The following HEATR5A variants were observed in gnomAD, a reference collection of about 807,000 sequenced individuals.
The protein encoded by HEATR5A is HEAT repeat-containing protein 5A.
A neutral mutation model predicts 218.8 loss-of-function variants in HEATR5A; 178 were observed. The ratio of observed to expected loss-of-function variants is 0.81; its 90% CI spans 0.72 to 0.92. The LOEUF (loss-of-function observed/expected upper bound fraction) is 0.92. Ranked by LOEUF, HEATR5A falls within the 40% of genes least tolerant of loss-of-function variation. The pLI is 0.00. For missense variants in HEATR5A, 2,420 were observed against 2,418.9 expected (o/e 1.00, Z -0.01); for synonymous variants, 864 against 871.6 (o/e 0.99, Z 0.15).
intron 14 of HEATR5A, among the ~76,000 whole-genome samples, chr14:31,359,378 G>C (rs1036358545): frequency 1.3e-5 from 2 of 150,712 alleles, no homozygotes; most frequent in Non-Finnish European, 3.0e-5. Flanking sequence ...TGTAAAAAAA[G>C]ATTTACAAAA....
intron 11 of HEATR5A, among the ~76,000 whole-genome samples, chr14:31,375,994 G>C (rs538908374): frequency 6.6e-6 from 1 of 152,140 alleles, no homozygotes; most frequent in South Asian, 2.1e-4. Context: ...CCCACATTCT[G>C]CTGACTGTAT....
chr14:31,298,883 C>T (rs916790629), intron 33 of HEATR5A, among the ~76,000 whole-genome samples: 2 of 152,120 alleles, frequency 1.3e-5, no homozygotes, highest in Admixed American at 6.6e-5. Context: ...GAAGAGAAGC[C>T]TATACTTGAT....
rs758434399 is a variant in HEATR5A, at chr14:31,315,878, A to C, written c.4110T>G (p.Leu1370=). 4.4e-6 allele frequency: 7 copies of C among 1,602,318 alleles called. No individual in the cohort carries two copies. Among genetic ancestry groups the C allele is most frequent in the Non-Finnish European group, 5.1e-6 (6 of 1,173,980 alleles). The change falls in exon 27 of 36, where the codon CTT becomes CTG. Residue 1370 remains leucine, a synonymous_variant. Coordinates refer to ENST00000543095, the MANE Select transcript of HEATR5A (RefSeq NM_015473.4). The stretch of plus-strand genomic sequence containing the variant: ...CCTGTATTTTAGTTAACGATGAAAC[A>C]AGCAACTGATGAACTCTTCGGAGAT... ...LNDLRRVHQL[L]VSSLTKIQAG...
At chr14:31,367,830 G>A (rs903446759) in intron 13 of HEATR5A, among the ~76,000 whole-genome samples, 3 of 151,876 alleles carry the variant, frequency 2.0e-5, no homozygotes, top group African/African-American at 4.8e-5. Flanking sequence ...TAAAGATAAC[G>A]TGTTGGCATA....
chr14:31,378,742 C>T (rs1465205762), intron 11 of HEATR5A, among the ~76,000 whole-genome samples: 4 of 143,478 alleles, frequency 2.8e-5, no homozygotes, highest in African/African-American at 7.7e-5. Flanking sequence ...GAGCCGAGAT[C>T]GCGCCACTGC....
chr14:31,321,147 A>C (rs1310611268), intron 25 of HEATR5A, among the ~76,000 whole-genome samples: 2 of 142,154 alleles, frequency 1.4e-5, no homozygotes, highest in Admixed American at 7.1e-5. Context: ...TAACTTTCCC[A>C]TCCTCAGACA....
At chr14:31,320,329 A>G (rs976798251) in intron 25 of HEATR5A, 1 of 798,780 alleles carries the variant, frequency 1.3e-6, no homozygotes, top group Non-Finnish European at 2.2e-6. Flanking sequence ...GCTGCTTGAG[A>G]GACAGCTTCC....
At chr14:31,336,795 C>G (rs1256516624) in intron 22 of HEATR5A, among the ~76,000 whole-genome samples, 4 of 152,126 alleles carry the variant, frequency 2.6e-5, no homozygotes, top group South Asian at 4.1e-4. Flanking sequence ...ATCAGTGGCT[C>G]TCAAACTTTA....
At chr14:31,365,459 C>T (rs1901767158) in intron 13 of HEATR5A, among the ~76,000 whole-genome samples, 1 of 151,960 alleles carries the variant, frequency 6.6e-6, no homozygotes, top group Non-Finnish European at 1.5e-5. Context: ...CTCCTGGGTT[C>T]AAGTCATTTT....
chr14:31,359,775 G>C (rs1595135727), intron 14 of HEATR5A, among the ~76,000 whole-genome samples: 1 of 129,680 alleles, frequency 7.7e-6, no homozygotes, highest in Admixed American at 7.8e-5. Context: ...AGAAAACTTA[G>C]ACATGTTATT....
At chr14:31,411,165 CAG>C (rs2031258590) in intron 1 of HEATR5A, among the ~76,000 whole-genome samples, 1 of 152,010 alleles carries the variant, frequency 6.6e-6, no homozygotes, top group African/African-American at 2.4e-5. Context: ...TATTATTTAT[CAG>C]AGGTTACAAA....
chr14:31,302,794 ATGAAT>A (rs1269156928), intron 32 of HEATR5A: 1 of 363,958 alleles, frequency 2.7e-6, no homozygotes, highest in African/African-American at 2.1e-5. Flanking sequence ...CAGTCGATAA[ATGAAT>A]TTATTTTTAT....
intron 1 of HEATR5A, among the ~76,000 whole-genome samples, chr14:31,407,787 C>A (rs2031134734): frequency 6.6e-6 from 1 of 152,090 alleles, no homozygotes; most frequent in South Asian, 2.1e-4. Flanking sequence ...CACCACCACA[C>A]CTGGCTAATT....
chr14:31,403,503 G>A (rs770398436), intron 1 of HEATR5A, among the ~76,000 whole-genome samples: 33 of 152,156 alleles, frequency 2.2e-4, no homozygotes, highest in Non-Finnish European at 4.4e-5. Flanking sequence ...TACATGCCCT[G>A]TCATTTACCT....
chr14:31,343,018 C>G (rs949228904), intron 21 of HEATR5A, among the ~76,000 whole-genome samples: 4 of 151,926 alleles, frequency 2.6e-5, no homozygotes, highest in Non-Finnish European at 5.9e-5. Context: ...AGCCATGGTG[C>G]CAATTTATAA....
intron 19 of HEATR5A, among the ~76,000 whole-genome samples, chr14:31,345,871 A>G (rs1394910605): frequency 6.6e-6 from 1 of 151,980 alleles, no homozygotes; most frequent in African/African-American, 2.4e-5. Flanking sequence ...GTTTGTACAT[A>G]GATATGTGCA....
chr14:31,347,578 C>A (rs1328394039), intron 19 of HEATR5A, among the ~76,000 whole-genome samples, 170 bp downstream of exon 19: 1 of 152,200 alleles, frequency 6.6e-6, no homozygotes, highest in Admixed American at 6.5e-5. Flanking sequence ...ACTTCAGACT[C>A]TGAGTGTGGG....
At chr14:31,378,705 A>G (rs12883276) in intron 11 of HEATR5A, among the ~76,000 whole-genome samples, 127,447 of 148,786 alleles carry the variant, frequency 0.86, 55,286 homozygotes, top group Non-Finnish European at 0.94. Context: ...GGAGAATGGC[A>G]TGAACCCAGG....
intron 1 of HEATR5A, among the ~76,000 whole-genome samples, chr14:31,407,386 T>C (rs1161231340): frequency 1.3e-5 from 2 of 152,142 alleles, no homozygotes; most frequent in Admixed American, 6.5e-5. Flanking sequence ...AATCTTGCAT[T>C]AAGACAAAGT....
Sources: gnomAD v4.1 joint callset for allele counts (sites outside exome capture counted in the v4.1 genomes callset) on GRCh38, gnomAD v4.1.1 for gene constraint, MANE v1.5 for transcripts, NCBI Gene and HGNC (gene_info 2026-07-23, HGNC 2026-07-21) for gene names.